The following FARP1 variants were observed in gnomAD, a reference collection of about 807,000 sequenced individuals.
FARP1 encodes FERM, ARHGEF and pleckstrin domain-containing protein 1.
Under a neutral mutation model 128.8 loss-of-function variants are expected in FARP1, and 52 were observed. The observed-to-expected ratio is 0.40, with a 90% CI of 0.32 to 0.51. FARP1 has a LOEUF of 0.51. FARP1 is among the 20% of genes least tolerant of loss of function. The pLI is 0.45. For synonymous variants in FARP1, 580 were observed against 551.8 expected (o/e 1.05, Z -0.72); for missense variants, 1,333 against 1,367.9 (o/e 0.97, Z 0.40).
At chr13:98,438,054 A>G (rs1892357217) in intron 19 of FARP1, among the ~76,000 whole-genome samples, 1 of 152,204 alleles carries the variant, frequency 6.6e-6, no homozygotes, top group Non-Finnish European at 1.5e-5. Context: ...TGAGTCCACC[A>G]AGGCCACACA....
intron 3 of FARP1, among the ~76,000 whole-genome samples, chr13:98,363,227 T>A (rs1888946343): frequency 6.6e-6 from 1 of 152,190 alleles, no homozygotes; most frequent in African/African-American, 2.4e-5. Context: ...GCCATGATGA[T>A]CATCTGGGCA....
At chr13:98,228,577 T>C (rs779895514) in intron 2 of FARP1, among the ~76,000 whole-genome samples, 65 of 152,240 alleles carry the variant, frequency 4.3e-4, no homozygotes, top group Non-Finnish European at 7.6e-4. Flanking sequence ...ATATCGTTAG[T>C]TACCATTTTA....
At chr13:98,275,141 G>C (rs969555567) in intron 2 of FARP1, among the ~76,000 whole-genome samples, 4 of 152,044 alleles carry the variant, frequency 2.6e-5, no homozygotes, top group Non-Finnish European at 5.9e-5. Context: ...ATTTCACTTT[G>C]GTTTTCTGTA....
chr13:98,312,299 C>T (rs888068457), intron 2 of FARP1, among the ~76,000 whole-genome samples: 31 of 152,080 alleles, frequency 2.0e-4, no homozygotes, highest in African/African-American at 7.2e-4. Context: ...CGCTACCACG[C>T]CTGGCTAATT....
intron 1 of FARP1, among the ~76,000 whole-genome samples, chr13:98,162,253 A>C (rs7491796): frequency 0.03 from 4,519 of 152,296 alleles, 211 homozygotes; most frequent in African/African-American, 0.1. Context: ...GAGATGAATC[A>C]GTTAATACTC....
At chr13:98,153,378 AAT>A (rs1594204841) in intron 1 of FARP1, among the ~76,000 whole-genome samples, 2 of 128,680 alleles carry the variant, frequency 1.6e-5, no homozygotes, top group African/African-American at 5.4e-5. Flanking sequence ...GTTATATATA[AAT>A]ATATAATAAA....
At chr13:98,289,316 C>T (rs1885342385) in intron 2 of FARP1, among the ~76,000 whole-genome samples, 1 of 152,138 alleles carries the variant, frequency 6.6e-6, no homozygotes, top group South Asian at 2.1e-4. Flanking sequence ...TTAAGCACAA[C>T]ATAGGAAATT....
intron 4 of FARP1, among the ~76,000 whole-genome samples, chr13:98,366,383 A>G (rs567321047): frequency 1.3e-5 from 2 of 152,344 alleles, no homozygotes; most frequent in African/African-American, 4.8e-5. Context: ...TGAAATGGCC[A>G]TCATTTAATA....
At chr13:98,203,331 C>CA (rs1373632444) in intron 1 of FARP1, among the ~76,000 whole-genome samples, 1 of 152,210 alleles carries the variant, frequency 6.6e-6, no homozygotes, top group African/African-American at 2.4e-5. Context: ...GGGTGACCAT[C>CA]ACCACGGTCC....
At chr13:98,229,248 A>T (rs1415336847) in intron 2 of FARP1, among the ~76,000 whole-genome samples, 1 of 152,196 alleles carries the variant, frequency 6.6e-6, no homozygotes, top group Non-Finnish European at 1.5e-5. Context: ...GAAGATGAAG[A>T]TAGAACACAT....
At chr13:98,257,738 C>G (rs1474040123) in intron 2 of FARP1, among the ~76,000 whole-genome samples, 1 of 152,036 alleles carries the variant, frequency 6.6e-6, no homozygotes, top group East Asian at 1.9e-4. Flanking sequence ...CCACTGCACT[C>G]CAGCCTGGAT....
At position 98,200,368 on chromosome 13, in the gene FARP1, C is replaced by T. The variant is rs530193577; in HGVS notation, c.-23-12852C>T. On this transcript the variant is annotated intron_variant, in intron 1 of 26. Coordinates refer to ENST00000319562, the MANE Select transcript of FARP1 (RefSeq NM_005766.4). ...CTCAGACCAGAGCCTGCATCAGAATCACCTGGAATGCAACCTTCACCCCCC... is the reference window on the plus strand; with the variant it reads ...CTCAGACCAGAGCCTGCATCAGAATTACCTGGAATGCAACCTTCACCCCCC... Among the ~76,000 whole-genome samples, 8 of 146,688 alleles carry T rather than the reference C, an allele frequency of 5.5e-5. No homozygotes were observed. The East Asian group carries it at 1.6e-3, about 29-fold the overall frequency.
intron 2 of FARP1, among the ~76,000 whole-genome samples, chr13:98,295,608 T>C (rs1337063331): frequency 1.3e-5 from 2 of 152,212 alleles, no homozygotes; most frequent in Non-Finnish European, 2.9e-5. Flanking sequence ...TATGCATCTT[T>C]GACTTGCTGA....
chr13:98,383,155 C>T (rs1392261149), intron 6 of FARP1, among the ~76,000 whole-genome samples: 1 of 152,120 alleles, frequency 6.6e-6, no homozygotes, highest in African/African-American at 2.4e-5. Context: ...TCATAACTGC[C>T]TCGAATAATG....
At chr13:98,205,794 T>A (rs1880232642) in intron 1 of FARP1, among the ~76,000 whole-genome samples, 1 of 152,216 alleles carries the variant, frequency 6.6e-6, no homozygotes. Context: ...GCTTCCCATT[T>A]GGCCTGTATT....
intron 13 of FARP1, chr13:98,405,119 T>C (rs1890923526): frequency 6.6e-6 from 1 of 152,242 alleles, no homozygotes; most frequent in Non-Finnish European, 1.5e-5. Context: ...AGGCAGCTTG[T>C]GCCCAATCCC....
At chr13:98,146,584 C>T (rs896001042) in intron 1 of FARP1, among the ~76,000 whole-genome samples, 2 of 152,176 alleles carry the variant, frequency 1.3e-5, no homozygotes, top group Non-Finnish European at 2.9e-5. Context: ...CCCTTTGTAA[C>T]TGGCCTTGCT....
In FARP1 at chr13:98,245,917, C is replaced by T. The variant is rs565826284; in HGVS notation, c.171+32504C>T. 6.0e-5 allele frequency among the ~76,000 whole-genome samples: 9 copies of T among 151,240 alleles called. No individual in the cohort carries two copies. The East Asian group carries it at 1.4e-3, about 23-fold the overall frequency. On this transcript the variant is annotated intron_variant, in intron 2 of 26. Transcript: ENST00000319562. The stretch of plus-strand genomic sequence containing the variant: ...CCGGGTAGCTGGGACTACAGATGCA[C>T]GCCGCCACGCCACCATGCCCAGCCA...
At chr13:98,397,024 T>C (rs1890576989) in intron 13 of FARP1, 1 of 152,244 alleles carries the variant, frequency 6.6e-6, no homozygotes, top group African/African-American at 2.4e-5. Context: ...CTAGTTGAGA[T>C]TATGTTGGTG....
Sources: allele counts gnomAD v4.1 joint callset (sites outside exome capture counted in the v4.1 genomes callset), GRCh38; gene constraint gnomAD v4.1.1; transcripts MANE v1.5; gene names NCBI Gene and HGNC (gene_info 2026-07-23, HGNC 2026-07-21).